The following TPCN2 variants were observed in gnomAD, a reference collection of about 807,000 sequenced individuals.
TPCN2 encodes the protein two pore channel protein 2.
TPCN2 carries 92 observed loss-of-function variants against 111.4 expected under a neutral mutation model. That is an observed-to-expected ratio of 0.83 (90% CI 0.70 to 0.98). TPCN2 has a LOEUF of 0.98. TPCN2 is among the 50% of genes least tolerant of loss of function. The probability of loss-of-function intolerance (pLI) is 0.00; values close to 1 mark genes in which losing one functional copy is unlikely to be tolerated. For missense variants in TPCN2, 995 were observed against 980.1 expected (o/e 1.02, Z -0.20); for synonymous variants, 405 against 414.5 (o/e 0.98, Z 0.28).
Position 69,071,908 on chromosome 11 carries a change from C to A in TPCN2, c.961-15C>A. The A allele has an allele frequency of 2.5e-6, 4 of 1,612,342 alleles. No homozygotes were observed. The highest frequency in any genetic ancestry group is 3.4e-6 in the Non-Finnish European group (4 of 1,178,752). The stretch of plus-strand genomic sequence containing the variant: ...GGAGGGCTGATCCTGCCGTTCATAG[C>A]CTTCCTCTTTGCAGAAATCTCTCCA... On this transcript the variant is annotated splice_polypyrimidine_tract_variant and intron_variant, in intron 10 of 24. Coordinates refer to ENST00000294309, the MANE Select transcript of TPCN2 (RefSeq NM_139075.4).
rs368479047 is a variant in TPCN2, at chr11:69,073,012, C to T, written c.1230+11C>T. The T allele has an allele frequency of 1.3e-4, 203 of 1,607,494 alleles. No individual in the cohort carries two copies. Among genetic ancestry groups the T allele is most frequent in the Admixed American group, 2.0e-4 (12 of 59,980 alleles). On this transcript the variant is annotated intron_variant, in intron 13 of 24. Transcript: ENST00000294309. ...AGTGTGGTTAAAGAGGTAACTGGGG[C>T]CACAGCCGCCCAGGGTGGATAGTGG...
In TPCN2 at chr11:69,081,494, A is replaced by T; in HGVS notation, c.1684A>T (p.Met562Leu). ...CCGCTTCCTGCGTATCATCCCCAGC[A>T]TGAAGGTGTGTGCCGGCCCCACCCC... ...VFRFLRIIPS[M>L]KLMAVVASTV... Residue 562 changes from methionine (M) to leucine (L), a missense_variant, in exon 18 of 25, where the codon ATG becomes TTG. Met to Leu is a conservative substitution (Grantham distance 15). Transcript: ENST00000294309. 1.3e-6 allele frequency: 2 copies of T among 1,564,042 alleles called. No homozygotes were observed. The highest frequency in any genetic ancestry group is 2.3e-5 in the South Asian group (2 of 85,262).
chr11:69,077,587 G>A (rs940322436), intron 13 of TPCN2, among the ~76,000 whole-genome samples: 2 of 152,216 alleles, frequency 1.3e-5, no homozygotes, highest in African/African-American at 4.8e-5. Context: ...TGGATATTTT[G>A]GTGTTTTCCT....
At chr11:69,052,977 G>C (rs940117054) in intron 1 of TPCN2, among the ~76,000 whole-genome samples, 13 of 152,262 alleles carry the variant, frequency 8.5e-5, no homozygotes, top group African/African-American at 2.7e-4. Flanking sequence ...CTGTTGGCCT[G>C]CTGGGGAGCA....
chr11:69,087,830 C>G (rs376787058), intron 24 of TPCN2, 45 bp from the exon 25 acceptor site: 1 of 1,535,208 alleles, frequency 6.5e-7, no homozygotes, highest in Non-Finnish European at 8.9e-7. Context: ...GCCAGGGTCT[C>G]CCTCCTTTAG....
intron 19 of TPCN2, 87 bp from the exon 20 acceptor site, chr11:69,085,123 C>G (rs1321627355): frequency 1.6e-6 from 2 of 1,269,308 alleles, no homozygotes; most frequent in African/African-American, 2.9e-5. Flanking sequence ...CACAGTCATC[C>G]TCTGGCTTTG....
In TPCN2 at chr11:69,087,891, C is replaced by A; in HGVS notation, c.2197C>A (p.Pro733Thr). ...ELLFRDILEE[P>T]GEDELTERLS... ...ATTCCACAGGGATATTCTGGAGGAG[C>A]CCGGGGAGGATGAGCTCACAGAGAG... The change falls in exon 25 of 25, where the codon CCC becomes ACC. Residue 733 changes from proline to threonine, a missense_variant. Pro to Thr is a conservative substitution (Grantham distance 38). Transcript: ENST00000294309. 1.2e-6 allele frequency: 2 copies of A among 1,612,730 alleles called. No individual in the cohort carries two copies. Among genetic ancestry groups the A allele is most frequent in the Non-Finnish European group, 1.7e-6 (2 of 1,179,838 alleles).
chr11:69,049,291 C>T (rs1420060931), intron 1 of TPCN2, among the ~76,000 whole-genome samples, 185 bp downstream of exon 1: 1 of 152,176 alleles, frequency 6.6e-6, no homozygotes, highest in Non-Finnish European at 1.5e-5. Context: ...CTGCGTCCTG[C>T]GGACCCGGAC....
chr11:69,080,671 C>T (rs1344246150), intron 17 of TPCN2, among the ~76,000 whole-genome samples: 1 of 152,146 alleles, frequency 6.6e-6, no homozygotes. Context: ...GGGGTGGGGA[C>T]GGTGGACAGC....
intron 19 of TPCN2, chr11:69,084,867 G>A (rs576454244): frequency 2.5e-5 from 23 of 932,740 alleles, no homozygotes; most frequent in Admixed American, 6.2e-5. Flanking sequence ...TAGCCCAGGC[G>A]TGTACCCCTT....
rs940294625 is a variant in TPCN2, at chr11:69,057,433, C to T, written c.430-145C>T. 10 of 758,818 alleles carry T rather than the reference C, an allele frequency of 1.3e-5. No individual in the cohort carries two copies. In the Admixed American group the frequency reaches 1.8e-4, roughly 14 times the overall value. 47.0% of individuals were successfully genotyped at this position (758,818 alleles called of 1,614,324 possible). A position where few individuals can be genotyped will look rare whatever the true frequency, so the allele number is the denominator to read the frequency against. On this transcript the variant is annotated intron_variant, in intron 4 of 24. Transcript: ENST00000294309. ...GGCGGGAGCTCGGGCCTCCTGACTGCTGCTCTGCGTCCCGTGGGGACCACA... is the reference window on the plus strand; with the variant it reads ...GGCGGGAGCTCGGGCCTCCTGACTGTTGCTCTGCGTCCCGTGGGGACCACA...
chr11:69,080,429 A>C (rs1239673932), intron 17 of TPCN2, among the ~76,000 whole-genome samples: 1 of 152,234 alleles, frequency 6.6e-6, no homozygotes, highest in Non-Finnish European at 1.5e-5. Context: ...GGTTCTGGCC[A>C]TGAAGAGACA....
intron 6 of TPCN2, among the ~76,000 whole-genome samples, 170 bp downstream of exon 6, chr11:69,063,160 T>G (rs3750972): frequency 0.53 from 79,512 of 151,118 alleles, 21,149 homozygotes; most frequent in South Asian, 0.73. Flanking sequence ...TGGGGTCTCT[T>G]TGGTTCCAGC....
intron 5 of TPCN2, among the ~76,000 whole-genome samples, chr11:69,062,363 G>A (rs907043208): frequency 1.3e-5 from 2 of 152,110 alleles, no homozygotes; most frequent in Admixed American, 6.5e-5. Context: ...GAGCAGTGAG[G>A]CTGGAGGGCG....
chr11:69,063,197 T>C lies in TPCN2; in HGVS notation c.653+207T>C, dbSNP rs527716140. Among the ~76,000 whole-genome samples the C allele has an allele frequency of 4.4e-3, 673 of 151,728 alleles. 6 individuals carry two copies. Among genetic ancestry groups the C allele is most frequent in the African/African-American group, 0.016 (652 of 41,412 alleles). ...GTTCCCCAGAAGCCTCCCAGCAGCC[T>C]TCGAGCTAGGGCCAGGGCTGCAAAC... On this transcript the variant is annotated intron_variant, in intron 6 of 24. Transcript: ENST00000294309.
chr11:69,087,642 C>T (rs1188998139), intron 24 of TPCN2, among the ~76,000 whole-genome samples: 1 of 152,156 alleles, frequency 6.6e-6, no homozygotes, highest in Non-Finnish European at 1.5e-5. Context: ...TGCAGCCAAG[C>T]CCTGCGGTCC....
chr11:69,079,773 T>G, intron 16 of TPCN2, 61 bp from the exon 17 acceptor site: 1 of 1,524,132 alleles, frequency 6.6e-7, no homozygotes, highest in South Asian at 1.2e-5. Flanking sequence ...TAATAATTCC[T>G]TTAAGGGCCG....
Position 69,062,878 on chromosome 11 carries a change from T to G in TPCN2, c.547-6T>G. 1 of 1,613,730 alleles carries G rather than the reference T, an allele frequency of 6.2e-7. No homozygotes were observed. Among genetic ancestry groups the G allele is most frequent in the Non-Finnish European group, 8.5e-7 (1 of 1,179,692 alleles). On this transcript the variant is annotated splice_polypyrimidine_tract_variant and splice_region_variant and intron_variant, in intron 5 of 24. Coordinates refer to ENST00000294309, the MANE Select transcript of TPCN2 (RefSeq NM_139075.4). ...CGTGGTCCTCAGTTTCCTGGGTCTCTTCCAGCCCCTGCGGATCCGCCGGCT... is the reference window on the plus strand; with the variant it reads ...CGTGGTCCTCAGTTTCCTGGGTCTCGTCCAGCCCCTGCGGATCCGCCGGCT...
chr11:69,084,874 C>T lies in TPCN2; in HGVS notation c.1762-336C>T, dbSNP rs890424029. On this transcript the variant is annotated intron_variant, in intron 19 of 24. Coordinates refer to ENST00000294309, the MANE Select transcript of TPCN2 (RefSeq NM_139075.4). ...GACCAGGTTAGCCCAGGCGTGTACC[C>T]CTTCCACTCTGCTGACGCATGTTAG... The T allele has an allele frequency of 1.0e-5, 9 of 898,902 alleles. No homozygotes were observed. In the African/African-American group the frequency reaches 1.6e-4, roughly 16 times the overall value. 55.7% of individuals were successfully genotyped at this position (898,902 alleles called of 1,614,324 possible).
Sources: allele counts gnomAD v4.1 joint callset (sites outside exome capture counted in the v4.1 genomes callset), GRCh38; gene constraint gnomAD v4.1.1; transcripts MANE v1.5; gene names NCBI Gene and HGNC (gene_info 2026-07-23, HGNC 2026-07-21).